Variants in COA8 observed in about 807,000 individuals in gnomAD.
COA8 encodes UPF0671 protein C14orf153.
In COA8, 20 loss-of-function variants were observed where a neutral mutation model predicts 22.0. The observed-to-expected ratio is 0.91, with a 90% CI of 0.64 to 1.32. The LOEUF is 1.32. Among genes scored for constraint, COA8 ranks in the 40% most tolerant of loss-of-function variants. The pLI is 0.00. For synonymous variants in COA8, 105 were observed against 79.9 expected (o/e 1.31, Z -1.68); for missense variants, 266 against 230.0 (o/e 1.16, Z -1.01).
At chr14:103,571,578 A>G (rs1199734717) in intron 1 of COA8, 45 bp from the exon 2 acceptor site, 3 of 1,477,364 alleles carry the variant, frequency 2.0e-6, no homozygotes, top group Non-Finnish European at 2.8e-6. Context: ...TTATAATACT[A>G]GAGATTCATT....
intron 1 of COA8, among the ~76,000 whole-genome samples, chr14:103,563,961 TC>T (rs2142270535): frequency 6.6e-6 from 1 of 152,250 alleles, no homozygotes; most frequent in African/African-American, 2.4e-5. Flanking sequence ...GGTGAGACCA[TC>T]CTGCCCAACA....
At chr14:103,566,932 G>A (rs1394654336) in intron 1 of COA8, among the ~76,000 whole-genome samples, 2 of 152,158 alleles carry the variant, frequency 1.3e-5, no homozygotes, top group African/African-American at 4.8e-5. Flanking sequence ...TTTGGACATA[G>A]GGTCTTGCTC....
At chr14:103,572,205 G>C (rs2076193432) in intron 2 of COA8, among the ~76,000 whole-genome samples, 1 of 152,096 alleles carries the variant, frequency 6.6e-6, no homozygotes. Context: ...TAGGTGTTTA[G>C]TATATTGCTT....
intron 1 of COA8, among the ~76,000 whole-genome samples, chr14:103,565,180 G>A (rs1160401717): frequency 2.0e-5 from 3 of 150,074 alleles, no homozygotes; most frequent in Non-Finnish European, 1.5e-5. Flanking sequence ...GGCAGGTCTC[G>A]AACTCCTGAC....
rs142250639 is a variant in COA8 at position 103,571,675 on chromosome 14, C to A, written c.176C>A (p.Pro59Gln). ...TCTTGCCATGATTGGATAGGACCCC[C>A]AGATAAATATTCAAACCTTCGACCT... The part of the protein sequence containing the change: ...RKSCHDWIGP[P>Q]DKYSNLRPVH... Residue 59 changes from proline to glutamine, a missense_variant, in exon 2 of 5, where the codon CCA becomes CAA. Transcript: ENST00000409074. The A allele has an allele frequency of 1.5e-5, 24 of 1,614,082 alleles. No homozygotes were observed. In the African/African-American group the frequency reaches 2.7e-4, roughly 18 times the overall value.
intron 3 of COA8, among the ~76,000 whole-genome samples, chr14:103,585,765 G>A (rs1288416670): frequency 1.3e-5 from 2 of 151,612 alleles, no homozygotes; most frequent in African/African-American, 2.4e-5. Context: ...TAGTAGAGAC[G>A]GGGTTTCACC....
chr14:103,568,806 AT>A (rs1488773181), intron 1 of COA8, among the ~76,000 whole-genome samples: 1 of 151,896 alleles, frequency 6.6e-6, no homozygotes, highest in African/African-American at 2.4e-5. Context: ...ATTTTTTGGT[AT>A]TTTAAGTAGA....
At position 103,590,622 on chromosome 14, in the gene COA8, C is replaced by T. The variant is rs1460647890; in HGVS notation, c.*336C>T. The T allele has an allele frequency of 5.2e-6, 1 of 192,914 alleles. No homozygotes were observed. Among genetic ancestry groups the T allele is most frequent in the Non-Finnish European group, 1.1e-5 (1 of 93,576 alleles). The allele number at this position is 192,914 out of a possible 1,614,324, so 12.0% of individuals were successfully genotyped here. On this transcript the variant is annotated 3_prime_UTR_variant, in exon 5 of 5. Transcript: ENST00000409074. ...GTGGCTCACACCTGTAATCCCAGCA[C>T]TTTGGGAGGCCGAGGCGGGTGGATC... is the stretch of plus-strand genomic sequence containing the variant.
chr14:103,580,574 A>G (rs867869137), intron 3 of COA8, among the ~76,000 whole-genome samples: 13 of 150,858 alleles, frequency 8.6e-5, no homozygotes, highest in Admixed American at 1.3e-4. Flanking sequence ...GCTCACTGCA[A>G]CCTCCACCTC....
intron 4 of COA8, among the ~76,000 whole-genome samples, chr14:103,589,205 G>A (rs368555065): frequency 3.5e-4 from 54 of 152,276 alleles, no homozygotes; most frequent in African/African-American, 1.1e-3. Flanking sequence ...GAATCAGGTC[G>A]TCTGTATTAG....
chr14:103,572,359 A>G (rs2076194383), intron 2 of COA8, among the ~76,000 whole-genome samples: 1 of 152,306 alleles, frequency 6.6e-6, no homozygotes, highest in East Asian at 1.9e-4. Context: ...ACTTTGAAGG[A>G]TGCAATGTGT....
intron 3 of COA8, 116 bp from the exon 4 acceptor site, chr14:103,587,158 G>T (rs575112358): frequency 1.9e-5 from 12 of 628,456 alleles, no homozygotes; most frequent in South Asian, 1.8e-4. Context: ...ATTGATGTTT[G>T]TATATTGGTC....
intron 1 of COA8, 152 bp from the exon 2 acceptor site, chr14:103,571,471 T>A: frequency 1.4e-6 from 1 of 722,234 alleles, no homozygotes; most frequent in Non-Finnish European, 2.2e-6. Context: ...CTACTTGTAA[T>A]CCCAGCACTT....
rs150905647 is a variant in COA8 at position 103,573,959 on chromosome 14, C to T, written c.322-148C>T. The T allele has an allele frequency of 2.8e-5, 29 of 1,046,960 alleles. No individual in the cohort carries two copies. The East Asian group carries it at 5.1e-4, about 18-fold the overall frequency. 64.9% of individuals were successfully genotyped at this position (1,046,960 alleles called of 1,614,324 possible). On this transcript the variant is annotated intron_variant, in intron 2 of 4. Coordinates refer to ENST00000409074, the MANE Select transcript of COA8 (RefSeq NM_001370595.2). The stretch of plus-strand genomic sequence containing the variant: ...TTAACCACATTCAGAGGGTTTTAAA[C>T]GAGCTTTGAGATGGGTCACTAGCTT...
At chr14:103,585,790 G>A (rs929217812) in intron 3 of COA8, among the ~76,000 whole-genome samples, 4 of 151,788 alleles carry the variant, frequency 2.6e-5, no homozygotes, top group African/African-American at 4.8e-5. Flanking sequence ...TGGCCAGGAT[G>A]GTCTCGATCT....
chr14:103,585,892 T>G (rs1172416133), intron 3 of COA8, among the ~76,000 whole-genome samples: 2 of 149,874 alleles, frequency 1.3e-5, no homozygotes, highest in East Asian at 2.0e-4. Context: ...TTTTGTTGTT[T>G]TTTGTTTTTT....
intron 1 of COA8, among the ~76,000 whole-genome samples, chr14:103,565,179 C>T (rs1011381519): frequency 1.3e-5 from 2 of 151,832 alleles, no homozygotes; most frequent in African/African-American, 2.4e-5. Context: ...AGGCAGGTCT[C>T]GAACTCCTGA....
chr14:103,563,053 G>T lies in COA8; in HGVS notation c.52G>T (p.Ala18Ser), dbSNP rs767484416. 3 of 1,538,528 alleles carry T rather than the reference G, an allele frequency of 1.9e-6. No homozygotes were observed. The highest frequency in any genetic ancestry group is 2.4e-5 in the South Asian group (2 of 84,398). ...GACCTTTCTCCCCCCTCTCTGCCGC[G>T]CCTTCGCCTGCCGCGGCTGTCAACT... Reference protein sequence around the residue: ...KKTFLPPLCRAFACRGCQLAP... With the variant: ...KKTFLPPLCRSFACRGCQLAP... Residue 18 changes from alanine to serine, a missense_variant, in exon 1 of 5, where the codon GCC (alanine) becomes TCC (serine). Transcript: ENST00000409074.
At chr14:103,582,318 A>C (rs1297351401) in intron 3 of COA8, among the ~76,000 whole-genome samples, 1 of 151,902 alleles carries the variant, frequency 6.6e-6, no homozygotes, top group Non-Finnish European at 1.5e-5. Context: ...ACCCTACTTC[A>C]GGGCAGCCCT....
Sources: allele counts gnomAD v4.1 joint callset (sites outside exome capture counted in the v4.1 genomes callset), GRCh38; gene constraint gnomAD v4.1.1; transcripts MANE v1.5; gene names NCBI Gene and HGNC (gene_info 2026-07-23, HGNC 2026-07-21).